Variants in SBF1 observed in about 807,000 individuals in gnomAD.
SBF1 encodes myotubularin-related protein 5.
SBF1 carries 65 observed loss-of-function variants against 215.8 expected under a neutral mutation model. That is an observed-to-expected ratio of 0.30 (90% CI 0.25 to 0.37). The LOEUF (loss-of-function observed/expected upper bound fraction) is 0.37, where lower values mean the gene tolerates loss of function less well. Among genes scored for constraint, SBF1 ranks in the 10% least tolerant of loss-of-function variants. The pLI is 1.00. For synonymous variants in SBF1, 1,410 were observed against 1,122.8 expected (o/e 1.26, Z -5.11); for missense variants, 2,634 against 2,667.8 (o/e 0.99, Z 0.28).
Position 50,448,340 on chromosome 22 carries a change from C to T in SBF1, c.5256G>A (p.Leu1752=). 6.2e-7 allele frequency: 1 copy of T among 1,613,842 alleles called. No individual in the cohort carries two copies. The highest frequency in any genetic ancestry group is 8.5e-7 in the Non-Finnish European group (1 of 1,180,036). The change falls in exon 38 of 41, where the codon CTG becomes CTA. Residue 1752 remains leucine (L), a synonymous_variant. Transcript: ENST00000380817. ...TTGAGCCACTACTCTGGTCGCTGTC[C>T]AGGCTGAGGCTCAGGGTGGAGCCCA... The part of the protein sequence containing the change: ...GPVGSTLSLS[L]DSDQSSGSTT...
At position 50,446,356 on chromosome 22, in the gene SBF1, T is replaced by TCCCCCCCCCC. The variant is rs781361309; in HGVS notation, c.*776_*785dup. On this transcript the variant is annotated 3_prime_UTR_variant, in exon 41 of 41. Coordinates refer to ENST00000380817, the MANE Select transcript of SBF1 (RefSeq NM_002972.4). ...CCTGCATTCCCCTGGGAGCCCACTGTCCCCCCCCCCCCCCCGCCTCCGGCC... is the reference window on the plus strand; with the variant it reads ...CCTGCATTCCCCTGGGAGCCCACTGTCCCCCCCCCCCCCCCCCCCCCCCCCGCCTCCGGCC... 1.4e-4 allele frequency: 5 copies of TCCCCCCCCCC among 35,042 alleles called. No individual in the cohort carries two copies. Among genetic ancestry groups the TCCCCCCCCCC allele is most frequent in the African/African-American group, 5.2e-4 (4 of 7,654 alleles). The allele number at this position is 35,042 out of a possible 1,614,324, so 2.2% of individuals were successfully genotyped here. A position where few individuals can be genotyped will look rare whatever the true frequency, so the allele number is the denominator to read the frequency against.
Position 50,459,825 on chromosome 22 carries a change from C to T in SBF1, c.3491+127G>A, listed in dbSNP as rs2067425390. 38 of 1,357,356 alleles carry T rather than the reference C, an allele frequency of 2.8e-5. No homozygotes were observed. The South Asian group carries it at 4.8e-4, about 17-fold the overall frequency. 84.1% of individuals were successfully genotyped at this position (1,357,356 alleles called of 1,614,324 possible). The stretch of plus-strand genomic sequence containing the variant: ...GCCACCCCCCAGCCCTGTGGCCCGT[C>T]CCTCTGCCCGGAGTCTCCCCCTCCA... On this transcript the variant is annotated intron_variant, in intron 26 of 40. Coordinates refer to ENST00000380817, the MANE Select transcript of SBF1 (RefSeq NM_002972.4).
chr22:50,448,594 G>C lies in SBF1; in HGVS notation c.5100C>G (p.Thr1700=), dbSNP rs371304311. 1.9e-5 allele frequency: 30 copies of C among 1,612,090 alleles called. No homozygotes were observed. Among genetic ancestry groups the C allele is most frequent in the Non-Finnish European group, 2.4e-5 (28 of 1,180,032 alleles). ...GCTGTGCAGCCTTCACCCGGTCCCA[G>C]GTGTCCTTCCAGCGCTCAGCGGGTT... ...LGQPAERWKD[T]WDRVKAAQRL... The change falls in exon 37 of 41, where the codon ACC becomes ACG. Residue 1700 remains threonine (T), a synonymous_variant. Coordinates refer to ENST00000380817, the MANE Select transcript of SBF1 (RefSeq NM_002972.4).
intron 38 of SBF1, 41 bp downstream of exon 38, chr22:50,448,192 G>C: frequency 6.3e-7 from 1 of 1,583,128 alleles, no homozygotes; most frequent in Non-Finnish European, 8.6e-7. Context: ...CAGAACACCA[G>C]CTCAGAGGTG....
rs533494960 is a variant in SBF1 at position 50,446,936 on chromosome 22, G to A, written c.*206C>T. The A allele has an allele frequency of 1.0e-4, 75 of 714,480 alleles. No individual in the cohort carries two copies. Among genetic ancestry groups the A allele is most frequent in the Non-Finnish European group, 1.5e-4 (60 of 393,376 alleles). 44.3% of individuals were successfully genotyped at this position (714,480 alleles called of 1,614,324 possible). Reference sequence around the variant, plus strand: ...GCGGGCTGTACCTTGGCCACCTCCCGGCACGGTGCTCAGCTGTGACGCCAA... The same window carrying A: ...GCGGGCTGTACCTTGGCCACCTCCCAGCACGGTGCTCAGCTGTGACGCCAA... On this transcript the variant is annotated 3_prime_UTR_variant, in exon 41 of 41. Coordinates refer to ENST00000380817, the MANE Select transcript of SBF1 (RefSeq NM_002972.4).
intron 36 of SBF1, among the ~76,000 whole-genome samples, chr22:50,452,140 T>TAAAAAAAAAAAAAA (rs374473892): frequency 8.8e-6 from 1 of 113,222 alleles, no homozygotes; most frequent in Non-Finnish European, 1.9e-5. Context: ...ACTGCTGAAT[T>TAAAAAAAAAAAAAA]AAAAAAAAAA....
chr22:50,470,197 G>T (rs1255779784), intron 1 of SBF1, among the ~76,000 whole-genome samples: 1 of 151,360 alleles, frequency 6.6e-6, no homozygotes, highest in Non-Finnish European at 1.5e-5. Flanking sequence ...GCCCAGCCCT[G>T]GCTGGCACCC....
At chr22:50,447,793 C>CA (rs1211496714) in intron 38 of SBF1, among the ~76,000 whole-genome samples, 184 bp from the exon 39 acceptor site, 2 of 152,336 alleles carry the variant, frequency 1.3e-5, no homozygotes, top group South Asian at 4.1e-4. Context: ...TGGGGGGCTG[C>CA]AGGCCCAAGA....
chr22:50,457,406 G>A (rs989998072), intron 28 of SBF1: 2 of 360,492 alleles, frequency 5.5e-6, no homozygotes, highest in South Asian at 8.5e-5. Flanking sequence ...CTTAGAGCAA[G>A]TCTGTCTCTG....
At chr22:50,457,811 G>A (rs2067315379) in intron 28 of SBF1, among the ~76,000 whole-genome samples, 1 of 152,214 alleles carries the variant, frequency 6.6e-6, no homozygotes. Flanking sequence ...ACCTGCTTCT[G>A]CAAGGCCCGA....
chr22:50,461,714 T>C lies in SBF1; in HGVS notation c.2648A>G (p.Lys883Arg), dbSNP rs759614594. Residue 883 changes from lysine (K) to arginine (R), a missense_variant, in exon 22 of 41, where the codon AAG becomes AGG. By Grantham distance (26) the Lys-to-Arg change is conservative. Coordinates refer to ENST00000380817, the MANE Select transcript of SBF1 (RefSeq NM_002972.4). ...CGGCAGCAGGCGCGGCCGCAGCAGCTTGGGCTGCTCGAAAACAAGAGCAGG... is the reference window on the plus strand; with the variant it reads ...CGGCAGCAGGCGCGGCCGCAGCAGCCTGGGCTGCTCGAAAACAAGAGCAGG... ...SRRLPPIQKPKLLRPRLLPGE... is the reference protein window; with the variant it reads ...SRRLPPIQKPRLLRPRLLPGE... 2.2e-5 allele frequency: 36 copies of C among 1,609,294 alleles called. No individual in the cohort carries two copies. The highest frequency in any genetic ancestry group is 3.0e-5 in the Non-Finnish European group (35 of 1,178,326).
chr22:50,472,376 C>A (rs2068026583), intron 1 of SBF1, among the ~76,000 whole-genome samples: 1 of 152,168 alleles, frequency 6.6e-6, no homozygotes, highest in Admixed American at 6.5e-5. Context: ...AAGCTATCCG[C>A]CAATCCTAAT....
intron 36 of SBF1, among the ~76,000 whole-genome samples, chr22:50,450,328 C>G (rs920820790): frequency 1.3e-5 from 2 of 152,022 alleles, no homozygotes; most frequent in Non-Finnish European, 2.9e-5. Flanking sequence ...CAAGACCAGC[C>G]TGGTAAACAT....
At chr22:50,464,768 G>T in intron 13 of SBF1, 30 bp from the exon 14 acceptor site, 1 of 1,610,028 alleles carries the variant, frequency 6.2e-7, no homozygotes. Flanking sequence ...GTGGGGCAGG[G>T]GCCCAGGGAT....
intron 17 of SBF1, 28 bp from the exon 18 acceptor site, chr22:50,462,745 T>G: frequency 6.2e-7 from 1 of 1,610,002 alleles, no homozygotes; most frequent in Non-Finnish European, 8.5e-7. Flanking sequence ...GAAGGTCAGC[T>G]GGATGCAGCC....
intron 30 of SBF1, 35 bp from the exon 31 acceptor site, chr22:50,456,430 T>A (rs762205912): frequency 6.3e-7 from 1 of 1,599,982 alleles, no homozygotes; most frequent in Admixed American, 1.7e-5. Flanking sequence ...GTGAGACACA[T>A]GAGGCCCCAA....
chr22:50,473,560 G>A (rs1306141240), intron 1 of SBF1, among the ~76,000 whole-genome samples: 7 of 152,214 alleles, frequency 4.6e-5, no homozygotes, highest in Non-Finnish European at 1.0e-4. Context: ...AGTGTGTGCT[G>A]AGTAAGAGGG....
chr22:50,456,573 G>T lies in SBF1; in HGVS notation c.4005C>A (p.Ala1335=). The change falls in exon 30 of 41, where the codon GCC becomes GCA. Residue 1335 remains alanine, a synonymous_variant. Transcript: ENST00000380817. The part of the protein sequence containing the change: ...AGRDALAPPQ[A]NGGPPDPGFL... Reference sequence around the variant, plus strand: ...AGCCCGGGTCGGGAGGGCCCCCGTTGGCCTGGGGTGGGGCCAGCGCGTCTC... The same window carrying T: ...AGCCCGGGTCGGGAGGGCCCCCGTTTGCCTGGGGTGGGGCCAGCGCGTCTC... The T allele has an allele frequency of 6.4e-7, 1 of 1,567,562 alleles. No homozygotes were observed. The highest frequency in any genetic ancestry group is 8.6e-7 in the Non-Finnish European group (1 of 1,158,104).
Position 50,459,518 on chromosome 22 carries a change from C to T in SBF1, c.3640G>A (p.Gly1214Ser). ...AVLLRSGGLH[G>S]KGVVGLFKAQ... ...TTGAAGAGGCCGACGACACCTTTGC[C>T]ATGCAGGCCTCCAGAGCGCAGCAGC... is the stretch of plus-strand genomic sequence containing the variant. The change falls in exon 27 of 41, where the codon GGC becomes AGC. Residue 1214 changes from glycine to serine, a missense_variant. Physicochemically the swap from Gly to Ser is moderately conservative, Grantham distance 56 (BLOSUM62 0). Transcript: ENST00000380817. 2 of 1,610,326 alleles carry T rather than the reference C, an allele frequency of 1.2e-6. No homozygotes were observed. The highest frequency in any genetic ancestry group is 1.7e-6 in the Non-Finnish European group (2 of 1,179,790).
Sources: allele counts gnomAD v4.1 joint callset (sites outside exome capture counted in the v4.1 genomes callset), GRCh38; gene constraint gnomAD v4.1.1; transcripts MANE v1.5; gene names NCBI Gene and HGNC (gene_info 2026-07-23, HGNC 2026-07-21).